The following GPM6A variants were observed in gnomAD, a reference collection of about 807,000 sequenced individuals.
The protein encoded by GPM6A is neuronal membrane glycoprotein M6-a.
GPM6A carries 7 observed loss-of-function variants against 32.1 expected under a neutral mutation model. The ratio of observed to expected loss-of-function variants is 0.22; its 90% CI spans 0.12 to 0.41. The LOEUF (loss-of-function observed/expected upper bound fraction) is 0.41, where lower values mean the gene tolerates loss of function less well. Ranked by LOEUF, GPM6A falls within the 10% of genes least tolerant of loss-of-function variation. GPM6A has a pLI of 1.00. For synonymous variants in GPM6A, 130 were observed against 123.4 expected, an observed-to-expected ratio of 1.05 and a Z score of -0.35; for missense variants, 235 against 347.2, an observed-to-expected ratio of 0.68 and a Z score of 2.57.
intron 1 of GPM6A, among the ~76,000 whole-genome samples, chr4:175,793,113 T>C (rs1425391399): frequency 6.6e-6 from 1 of 152,204 alleles, no homozygotes; most frequent in African/African-American, 2.4e-5. Flanking sequence ...TGCTAATACA[T>C]TCTTTAGCTA....
intron 1 of GPM6A, chr4:175,781,154 A>G (rs1242536428): frequency 3.3e-5 from 5 of 152,104 alleles, no homozygotes; most frequent in African/African-American, 4.8e-5. Flanking sequence ...AACAAAAAAG[A>G]TAACGTTCAC....
upstream of GPM6A, among the ~76,000 whole-genome samples, chr4:175,814,403 T>C (rs546542420): frequency 6.6e-6 from 1 of 152,334 alleles, no homozygotes; most frequent in African/African-American, 2.4e-5. Flanking sequence ...GTTCTGATCT[T>C]AGAAGCTAAT....
chr4:175,871,433 G>A (rs562150785), intron 1 of GPM6A, among the ~76,000 whole-genome samples: 1 of 152,188 alleles, frequency 6.6e-6, no homozygotes, highest in South Asian at 2.1e-4. Context: ...TTGCACCACT[G>A]CACTCCAGCC....
At chr4:175,727,137 G>A (rs576865981) in intron 1 of GPM6A, among the ~76,000 whole-genome samples, 2 of 152,132 alleles carry the variant, frequency 1.3e-5, no homozygotes, top group African/African-American at 4.8e-5. Context: ...TTTCACTGAA[G>A]GAAAGGAAAA....
In GPM6A at chr4:175,691,706, C is replaced by T. The variant is rs562621700; in HGVS notation, c.230+9869G>A. Among the ~76,000 whole-genome samples the T allele has an allele frequency of 9.2e-5, 14 of 152,274 alleles. 1 individual carries two copies. The South Asian group carries it at 2.9e-3, about 32-fold the overall frequency. Reference sequence around the variant, plus strand: ...GACTGAAGGGCCCCAGTGATGCTCACATCATTATCTCCATAACCTGTAAAT... The same window carrying T: ...GACTGAAGGGCCCCAGTGATGCTCATATCATTATCTCCATAACCTGTAAAT... On this transcript the variant is annotated intron_variant, in intron 2 of 6. Transcript: ENST00000393658.
intron 1 of GPM6A, among the ~76,000 whole-genome samples, chr4:175,741,946 C>T (rs1263949488): frequency 6.6e-6 from 1 of 151,706 alleles, no homozygotes; most frequent in Non-Finnish European, 1.5e-5. Context: ...CAAAGCTACG[C>T]ATTTATGGAA....
chr4:175,960,382 A>T (rs2126400136), intron 1 of GPM6A, among the ~76,000 whole-genome samples: 1 of 152,324 alleles, frequency 6.6e-6, no homozygotes, highest in Middle Eastern at 3.4e-3. Flanking sequence ...TAATCCCCTG[A>T]TGAAGTAAAT....
At chr4:175,873,775 A>G (rs1736994951) in intron 1 of GPM6A, among the ~76,000 whole-genome samples, 2 of 152,192 alleles carry the variant, frequency 1.3e-5, no homozygotes, top group Admixed American at 6.6e-5. Flanking sequence ...CAGACTCTCA[A>G]TATGGAAACA....
intron 1 of GPM6A, among the ~76,000 whole-genome samples, chr4:175,736,864 G>T (rs1253323768): frequency 1.3e-5 from 2 of 152,140 alleles, no homozygotes; most frequent in Non-Finnish European, 2.9e-5. Flanking sequence ...TTTCTATCAC[G>T]TAATGACATC....
chr4:175,661,263 G>A (rs78424017), intron 3 of GPM6A, among the ~76,000 whole-genome samples: 3,516 of 151,920 alleles, frequency 0.023, 55 homozygotes, highest in Non-Finnish European at 0.036. Context: ...GCGAAACCCC[G>A]TCTCTACTAA....
Position 175,914,003 on chromosome 4 carries a change from T to C in GPM6A, c.-23+88306A>G, listed in dbSNP as rs560626415. ...GTCTCAATCAATTTAGAGGATTATT[T>C]TGCCAAGGTTGAAGGCCTGCCTAGG... On this transcript the variant is annotated intron_variant, in intron 1 of 7. Transcript: ENST00000280187. Among the ~76,000 whole-genome samples, 13 of 152,304 alleles carry C rather than the reference T, an allele frequency of 8.5e-5. No homozygotes were observed. The South Asian group carries it at 2.7e-3, about 32-fold the overall frequency.
intron 2 of GPM6A, among the ~76,000 whole-genome samples, chr4:175,698,182 C>T (rs1744681009): frequency 6.6e-6 from 1 of 152,124 alleles, no homozygotes; most frequent in Admixed American, 6.6e-5. Context: ...AGATTCAGGG[C>T]TTGGGCAACT....
chr4:175,670,881 T>TTTTTTTTTA (rs1743020889), intron 3 of GPM6A, among the ~76,000 whole-genome samples: 4 of 132,366 alleles, frequency 3.0e-5, no homozygotes, highest in African/African-American at 2.6e-5. Flanking sequence ...TTTTTTTTTT[T>TTTTTTTTTA]GAGACAAAGT....
chr4:175,688,994 A>T (rs1391770874), intron 2 of GPM6A, among the ~76,000 whole-genome samples: 1 of 152,168 alleles, frequency 6.6e-6, no homozygotes, highest in Non-Finnish European at 1.5e-5. Flanking sequence ...CTTGGACTAC[A>T]GGCAGGCACC....
upstream of GPM6A, chr4:175,812,301 GTTTTTTTTTTTT>G: frequency 1.3e-6 from 1 of 793,062 alleles, no homozygotes; most frequent in East Asian, 4.4e-5. Flanking sequence ...AAAACTGGGG[GTTTTTTTTTTTT>G]TTTTTTTTTT....
intron 1 of GPM6A, among the ~76,000 whole-genome samples, chr4:175,912,967 A>T (rs1738369787): frequency 6.6e-6 from 1 of 152,206 alleles, no homozygotes; most frequent in African/African-American, 2.4e-5. Context: ...TAATTTTTTA[A>T]TTGCATTTTT....
At chr4:175,927,877 T>C (rs1391487980) in intron 1 of GPM6A, among the ~76,000 whole-genome samples, 1 of 152,058 alleles carries the variant, frequency 6.6e-6, no homozygotes, top group African/African-American at 2.4e-5. Flanking sequence ...AGAGCAAGAC[T>C]CCGTCTCAAA....
intron 1 of GPM6A, among the ~76,000 whole-genome samples, chr4:175,811,520 C>T (rs1734918614): frequency 6.6e-6 from 1 of 152,070 alleles, no homozygotes; most frequent in African/African-American, 2.4e-5. Flanking sequence ...TTAACTCATA[C>T]AGCCAGATAT....
chr4:175,635,752 C>A (rs774984853), intron 6 of GPM6A, among the ~76,000 whole-genome samples: 1 of 151,966 alleles, frequency 6.6e-6, no homozygotes, highest in African/African-American at 2.4e-5. Flanking sequence ...GCAATGAGAC[C>A]GCTTATTTGT....
Sources: allele counts gnomAD v4.1 joint callset (sites outside exome capture counted in the v4.1 genomes callset), GRCh38; gene constraint gnomAD v4.1.1; transcripts MANE v1.5; gene names NCBI Gene and HGNC (gene_info 2026-07-23, HGNC 2026-07-21).